RBFOX1: variants seen among roughly 807,000 people sequenced by gnomAD.
RBFOX1 encodes the protein RNA binding fox-1 homolog 1, also known as RNA binding protein fox-1 homolog 1.
RBFOX1 carries 8 observed loss-of-function variants against 57.7 expected under a neutral mutation model. That is an observed-to-expected ratio of 0.14 (90% CI 0.08 to 0.25). RBFOX1 has a LOEUF of 0.25. Among genes scored for constraint, RBFOX1 ranks in the 10% least tolerant of loss-of-function variants. The pLI, the probability that RBFOX1 is intolerant of heterozygous loss-of-function variation, is 1.00. For synonymous variants in RBFOX1, 326 were observed against 222.4 expected, an observed-to-expected ratio of 1.47 and a Z score of -4.15; for missense variants, 611 against 548.5, an observed-to-expected ratio of 1.11 and a Z score of -1.14.
intron 4 of RBFOX1, among the ~76,000 whole-genome samples, chr16:7,255,442 G>C (rs1338417871): frequency 6.6e-6 from 1 of 152,152 alleles, no homozygotes; most frequent in Non-Finnish European, 1.5e-5. Context: ...TCCACATAAT[G>C]CAACATTATT....
chr16:7,246,612 G>A (rs944931301), intron 4 of RBFOX1, among the ~76,000 whole-genome samples: 2 of 134,784 alleles, frequency 1.5e-5, no homozygotes, highest in Non-Finnish European at 3.2e-5. Flanking sequence ...TCTATTTATT[G>A]TCAGACTGTA....
chr16:7,568,417 C>T (rs573983265), intron 5 of RBFOX1, among the ~76,000 whole-genome samples: 5 of 152,050 alleles, frequency 3.3e-5, no homozygotes, highest in Admixed American at 2.6e-4. Flanking sequence ...GGGAGTGTCT[C>T]TTAGCAGGCT....
At chr16:6,064,935 C>G (rs9934824) in intron 1 of RBFOX1, among the ~76,000 whole-genome samples, 8,277 of 151,808 alleles carry the variant, frequency 0.055, 620 homozygotes, top group African/African-American at 0.17. Flanking sequence ...ATCAACAGGT[C>G]TTGAGTAAGA....
At chr16:7,233,523 G>A (rs1239670009) in intron 4 of RBFOX1, among the ~76,000 whole-genome samples, 2 of 152,140 alleles carry the variant, frequency 1.3e-5, no homozygotes, top group African/African-American at 4.8e-5. Flanking sequence ...TCAATGTGTG[G>A]AAATTATTAT....
chr16:5,892,863 C>T (rs2151937353), intron 4 of RBFOX1, among the ~76,000 whole-genome samples: 1 of 152,294 alleles, frequency 6.6e-6, no homozygotes, highest in Non-Finnish European at 1.5e-5. Context: ...TTCAGCACCC[C>T]AGGTGCCATG....
chr16:6,318,951 A>T (rs972401850), intron 2 of RBFOX1, among the ~76,000 whole-genome samples: 4 of 151,862 alleles, frequency 2.6e-5, no homozygotes, highest in Non-Finnish European at 5.9e-5. Context: ...AGCAAACCTC[A>T]ATCCCCTTCA....
intron 4 of RBFOX1, among the ~76,000 whole-genome samples, chr16:7,204,531 A>G (rs2089498653): frequency 6.6e-6 from 1 of 152,176 alleles, no homozygotes; most frequent in South Asian, 2.1e-4. Context: ...CTGTAGTCCC[A>G]GTTACGCAGG....
chr16:7,474,298 A>AAAAC (rs375402876), intron 4 of RBFOX1, among the ~76,000 whole-genome samples: 1 of 152,172 alleles, frequency 6.6e-6, no homozygotes, highest in Non-Finnish European at 1.5e-5. Context: ...TGAAAAACAG[A>AAAAC]AAACAAACAA....
At chr16:6,778,428 A>G (rs1165700927) in intron 3 of RBFOX1, among the ~76,000 whole-genome samples, 2 of 152,162 alleles carry the variant, frequency 1.3e-5, no homozygotes, top group South Asian at 4.1e-4. Context: ...AGCCAAGGCC[A>G]GACATCACAC....
At chr16:7,707,371 G>A (rs8056138) in intron 14 of RBFOX1, among the ~76,000 whole-genome samples, 15,114 of 152,128 alleles carry the variant, frequency 0.099, 809 homozygotes, top group African/African-American at 0.11. Flanking sequence ...TACCAACCAT[G>A]AGAAAGCTTG....
At chr16:7,030,319 T>G (rs8048226) in intron 3 of RBFOX1, among the ~76,000 whole-genome samples, 107,789 of 152,036 alleles carry the variant, frequency 0.71, 39,010 homozygotes, top group East Asian at 0.92. Flanking sequence ...ATGAGGCATA[T>G]GAAATGTATT....
chr16:6,291,997 G>A (rs1264081109), intron 1 of RBFOX1, among the ~76,000 whole-genome samples: 8 of 151,700 alleles, frequency 5.3e-5, no homozygotes, highest in Non-Finnish European at 1.0e-4. Context: ...GTGTAGTTTG[G>A]GTCTGTGTTG....
chr16:5,902,511 G>T (rs1256298954), intron 4 of RBFOX1, among the ~76,000 whole-genome samples: 2 of 152,064 alleles, frequency 1.3e-5, no homozygotes, highest in East Asian at 1.9e-4. Flanking sequence ...CGCCTCCCAG[G>T]TTCGAGTGAT....
chr16:5,419,658 G>A (rs914216461), intron 1 of RBFOX1, among the ~76,000 whole-genome samples: 11 of 152,022 alleles, frequency 7.2e-5, no homozygotes, highest in African/African-American at 1.9e-4. Flanking sequence ...CTGTGAATGC[G>A]GTGAGACATC....
chr16:6,483,240 C>G, intron 2 of RBFOX1: 3 of 1,246,630 alleles, frequency 2.4e-6, no homozygotes, highest in South Asian at 2.6e-5. Flanking sequence ...CTGGCGCCGC[C>G]GTGGCCTCCC....
intron 1 of RBFOX1, among the ~76,000 whole-genome samples, chr16:6,253,699 G>GTATATATATATATA (rs373756943): frequency 2.1e-5 from 3 of 142,414 alleles, no homozygotes; most frequent in African/African-American, 7.6e-5. Flanking sequence ...GTGTGTGTGT[G>GTATATATATATATA]TATATATATA....
intron 1 of RBFOX1, among the ~76,000 whole-genome samples, chr16:6,199,657 T>G (rs1191685147): frequency 6.6e-6 from 1 of 152,216 alleles, no homozygotes; most frequent in Non-Finnish European, 1.5e-5. Context: ...GTTGTCTACA[T>G]ATTCACCTGG....
chr16:6,129,088 G>A (rs1320547885), intron 1 of RBFOX1, among the ~76,000 whole-genome samples: 1 of 129,334 alleles, frequency 7.7e-6, no homozygotes, highest in Non-Finnish European at 1.9e-5. Flanking sequence ...TTTCTATAAT[G>A]CATTATGCAT....
intron 3 of RBFOX1, among the ~76,000 whole-genome samples, chr16:6,801,717 G>A (rs909718794): frequency 3.9e-5 from 6 of 152,074 alleles, no homozygotes; most frequent in Admixed American, 3.3e-4. Context: ...AGATGAACTG[G>A]GGAGGAAGAG....
Sources: gnomAD v4.1 joint callset for allele counts (sites outside exome capture counted in the v4.1 genomes callset) on GRCh38, gnomAD v4.1.1 for gene constraint, MANE v1.5 for transcripts, NCBI Gene and HGNC (gene_info 2026-07-23, HGNC 2026-07-21) for gene names.